Variants in ZNF438 observed in about 807,000 individuals in gnomAD.
ZNF438 encodes zinc finger protein 438.
ZNF438 carries 25 observed loss-of-function variants against 38.0 expected under a neutral mutation model. The ratio of observed to expected loss-of-function variants is 0.66; its 90% confidence interval spans 0.48 to 0.92. The LOEUF is 0.92. Ranked by LOEUF, ZNF438 falls within the 40% of genes least tolerant of loss-of-function variation. The pLI is 0.00. For synonymous variants in ZNF438, 372 were observed against 364.1 expected (o/e 1.02, Z -0.25); for missense variants, 1,007 against 999.6 (o/e 1.01, Z -0.10).
chr10:30,950,499 T>C (rs2048040140), intron 1 of ZNF438, among the ~76,000 whole-genome samples: 1 of 151,372 alleles, frequency 6.6e-6, no homozygotes, highest in Admixed American at 6.6e-5. Flanking sequence ...GATAGACTGC[T>C]AGCAAGACTA....
intron 2 of ZNF438, among the ~76,000 whole-genome samples, chr10:30,913,802 G>A (rs2043308124): frequency 6.6e-6 from 1 of 152,038 alleles, no homozygotes; most frequent in African/African-American, 2.4e-5. Flanking sequence ...ATAAGAACAA[G>A]GAACTTCTCT....
intron 2 of ZNF438, among the ~76,000 whole-genome samples, chr10:30,935,928 AC>A (rs148838237): frequency 0.079 from 12,073 of 152,226 alleles, 573 homozygotes; most frequent in Non-Finnish European, 0.11. Context: ...TGTGGAAATT[AC>A]GAGTATTACA....
At chr10:31,027,812 T>G (rs2057038484) in intron 1 of ZNF438, among the ~76,000 whole-genome samples, 1 of 152,182 alleles carries the variant, frequency 6.6e-6, no homozygotes, top group Non-Finnish European at 1.5e-5. Flanking sequence ...TAATCATAGA[T>G]CTGGTTATTT....
intron 4 of ZNF438, among the ~76,000 whole-genome samples, chr10:30,852,746 C>T (rs2033896634): frequency 6.6e-6 from 1 of 152,178 alleles, no homozygotes; most frequent in African/African-American, 2.4e-5. Context: ...CTAGTGAGTG[C>T]TATTGTCTGG....
At chr10:30,854,650 A>T (rs1279256446) in intron 4 of ZNF438, among the ~76,000 whole-genome samples, 1 of 152,228 alleles carries the variant, frequency 6.6e-6, no homozygotes, top group African/African-American at 2.4e-5. Context: ...TTATTGCCAG[A>T]ATAAGGAGCT....
At chr10:30,862,670 G>A (rs1190513583) in intron 4 of ZNF438, among the ~76,000 whole-genome samples, 1 of 152,112 alleles carries the variant, frequency 6.6e-6, no homozygotes, top group Admixed American at 6.6e-5. Flanking sequence ...GATGACAGTT[G>A]GTGAAGAAAA....
intron 2 of ZNF438, among the ~76,000 whole-genome samples, chr10:30,926,660 A>T (rs2044973952): frequency 6.6e-6 from 1 of 152,070 alleles, no homozygotes; most frequent in Non-Finnish European, 1.5e-5. Context: ...GGTGGAAAAA[A>T]AAAAAAAGGA....
At chr10:30,971,391 T>C (rs1232821355) in intron 1 of ZNF438, among the ~76,000 whole-genome samples, 2 of 152,180 alleles carry the variant, frequency 1.3e-5, no homozygotes, top group Non-Finnish European at 2.9e-5. Context: ...ACAAAAAACA[T>C]ATCCATCTGT....
chr10:30,855,604 A>C (rs541848358), intron 4 of ZNF438, among the ~76,000 whole-genome samples: 1 of 152,366 alleles, frequency 6.6e-6, no homozygotes, highest in African/African-American at 2.4e-5. Context: ...GGAGAAAGAC[A>C]GCAAGGCCAC....
intron 1 of ZNF438, among the ~76,000 whole-genome samples, chr10:30,982,097 TTC>T (rs869174089): frequency 0.059 from 2,488 of 42,192 alleles, 33 homozygotes; most frequent in African/African-American, 0.17. Flanking sequence ...CTTTTTCTCT[TTC>T]TTTTTTTTTT....
chr10:30,994,015 A>C (rs1246751413), intron 1 of ZNF438, among the ~76,000 whole-genome samples: 1 of 152,220 alleles, frequency 6.6e-6, no homozygotes, highest in Non-Finnish European at 1.5e-5. Context: ...TGGAATGGCA[A>C]TGTCTGTCCT....
exon 6 of ZNF438, chr10:30,845,019 A>C: frequency 6.2e-7 from 1 of 1,614,206 alleles, no homozygotes; most frequent in Non-Finnish European, 8.5e-7. Context: ...CGTATTTAAA[A>C]TAGCCCACAG....
At chr10:30,924,320 C>A (rs984526696) in intron 2 of ZNF438, among the ~76,000 whole-genome samples, 1 of 152,148 alleles carries the variant, frequency 6.6e-6, no homozygotes, top group African/African-American at 2.4e-5. Context: ...AAATCCATCT[C>A]CCTGACCGAC....
intron 1 of ZNF438, among the ~76,000 whole-genome samples, chr10:31,001,705 T>C (rs976184356): frequency 5.3e-5 from 8 of 152,240 alleles, no homozygotes; most frequent in African/African-American, 9.6e-5. Context: ...GTTACACTTA[T>C]AATTGCACTT....
chr10:30,883,657 G>GC (rs1386592527), intron 3 of ZNF438, among the ~76,000 whole-genome samples: 1 of 152,118 alleles, frequency 6.6e-6, no homozygotes, highest in Non-Finnish European at 1.5e-5. Context: ...CATCGCCTAA[G>GC]CCCAGAGTTT....
At chr10:30,925,079 T>C (rs762931196) in intron 2 of ZNF438, among the ~76,000 whole-genome samples, 1 of 152,240 alleles carries the variant, frequency 6.6e-6, no homozygotes, top group Non-Finnish European at 1.5e-5. Context: ...TTTAAGAATT[T>C]AGCTGTTGAG....
exon 5 of ZNF438, chr10:30,850,213 C>T (rs1314497807): frequency 6.2e-7 from 1 of 1,614,098 alleles, no homozygotes; most frequent in Non-Finnish European, 8.5e-7. Context: ...TGGAGGGTCC[C>T]AGATTCACCT....
At chr10:30,920,018 T>G (rs904470417) in intron 2 of ZNF438, 6 of 152,222 alleles carry the variant, frequency 3.9e-5, no homozygotes, top group African/African-American at 1.4e-4. Context: ...AGTTTGAGGC[T>G]CCTCTGTTTT....
intron 1 of ZNF438, among the ~76,000 whole-genome samples, chr10:30,946,519 C>G (rs1204548354): frequency 1.3e-5 from 2 of 152,082 alleles, no homozygotes; most frequent in Admixed American, 1.3e-4. Flanking sequence ...ACAACCCCAT[C>G]AAAAAGTGGG....
Sources: gnomAD v4.1 joint callset for allele counts (sites outside exome capture counted in the v4.1 genomes callset) on GRCh38, gnomAD v4.1.1 for gene constraint, MANE v1.5 for transcripts, NCBI Gene and HGNC (gene_info 2026-07-23, HGNC 2026-07-21) for gene names.